LATS2: variants seen among roughly 807,000 people sequenced by gnomAD.
LATS2 encodes serine/threonine-protein kinase LATS2.
In LATS2, 24 loss-of-function variants were observed where a neutral mutation model predicts 76.0. That is an observed-to-expected ratio of 0.32 (90% CI 0.23 to 0.44). LATS2 has a LOEUF of 0.44. Among genes scored for constraint, LATS2 ranks in the 20% least tolerant of loss-of-function variants. The pLI is 1.00. For missense variants in LATS2, 1,286 were observed against 1,481.2 expected, an observed-to-expected ratio of 0.87 and a Z score of 2.16; for synonymous variants, 692 against 635.4, an observed-to-expected ratio of 1.09 and a Z score of -1.34.
chr13:20,981,423 G>C, intron 6 of LATS2, 43 bp downstream of exon 6: 1 of 1,570,744 alleles, frequency 6.4e-7, no homozygotes, highest in Non-Finnish European at 8.7e-7. Context: ...ACGTCTGAAG[G>C]GAAGGAGACC....
chr13:20,983,175 T>C (rs1367428739), intron 5 of LATS2, 49 bp downstream of exon 5: 12 of 1,302,712 alleles, frequency 9.2e-6, no homozygotes, highest in African/African-American at 3.0e-5. Flanking sequence ...GCAATGGGGT[T>C]AGTGACATCT....
intron 6 of LATS2, 98 bp from the exon 7 acceptor site, chr13:20,979,895 G>A: frequency 1.4e-6 from 1 of 696,212 alleles, no homozygotes; most frequent in Non-Finnish European, 2.5e-6. Flanking sequence ...CTGTTAAGTG[G>A]GAAAGCGCGT....
chr13:20,982,992 CAAA>C lies in LATS2; in HGVS notation c.2482+229_2482+231del, dbSNP rs67372854. Among the ~76,000 whole-genome samples the C allele has an allele frequency of 2.8e-4, 24 of 87,202 alleles. No homozygotes were observed. The Admixed American group carries it at 2.8e-3, about 10-fold the overall frequency. The allele number at this position is 87,202 out of a possible 152,430, so 57.2% of individuals were successfully genotyped here. ...GGGCAACAAGAGCGAAACTCTGTCT[CAAA>C]AAAAAAAAAAAAAAAAAGTAAACCT... On this transcript the variant is annotated intron_variant, in intron 5 of 7. Coordinates refer to ENST00000382592, the MANE Select transcript of LATS2 (RefSeq NM_014572.3).
chr13:21,050,535 T>C (rs1306719002), intron 1 of LATS2, among the ~76,000 whole-genome samples: 1 of 152,254 alleles, frequency 6.6e-6, no homozygotes, highest in African/African-American at 2.4e-5. Context: ...AGTATATATA[T>C]AGCAGAAGCC....
At chr13:20,998,024 G>T (rs926227322) in intron 2 of LATS2, among the ~76,000 whole-genome samples, 110 of 152,218 alleles carry the variant, frequency 7.2e-4, no homozygotes, top group Middle Eastern at 3.4e-3. Flanking sequence ...TGGCCCTATC[G>T]TGTCTGCGTG....
At chr13:21,005,806 T>TTTA (rs1555225295) in intron 2 of LATS2, 5,774 of 28,330 alleles carry the variant, frequency 0.2, 325 homozygotes, top group East Asian at 0.43. Flanking sequence ...CCCTACTCTA[T>TTTA]AAAAAAAAAA....
chr13:21,027,728 T>C (rs1439167346), intron 2 of LATS2, among the ~76,000 whole-genome samples: 1 of 152,148 alleles, frequency 6.6e-6, no homozygotes, highest in Non-Finnish European at 1.5e-5. Flanking sequence ...AACATTGCTT[T>C]TGCTATTCTA....
chr13:21,037,968 G>A (rs201051843), intron 2 of LATS2, among the ~76,000 whole-genome samples: 1 of 152,172 alleles, frequency 6.6e-6, no homozygotes, highest in Non-Finnish European at 1.5e-5. Context: ...TTCAGAATGA[G>A]GGGGGCTAGA....
chr13:21,053,251 A>G (rs1873339998), intron 1 of LATS2, among the ~76,000 whole-genome samples: 1 of 150,298 alleles, frequency 6.7e-6, no homozygotes. Context: ...AAAAAAAAAA[A>G]AAAAAGCCCA....
At chr13:21,055,136 G>C (rs1259268181) in intron 1 of LATS2, among the ~76,000 whole-genome samples, 1 of 152,156 alleles carries the variant, frequency 6.6e-6, no homozygotes, top group Non-Finnish European at 1.5e-5. Context: ...TGATTTCATG[G>C]CCAAATTATG....
chr13:20,974,916 G>C lies in LATS2; in HGVS notation c.3221C>G (p.Ser1074Cys). 6.2e-7 allele frequency: 1 copy of C among 1,614,180 alleles called. No individual in the cohort carries two copies. The highest frequency in any genetic ancestry group is 8.5e-7 in the Non-Finnish European group (1 of 1,180,034). The change falls in exon 8 of 8, where the codon TCT becomes TGT. Residue 1074 changes from serine (S) to cysteine (C), a missense_variant. This residue lies in a region of LATS2 where 210 missense variants were observed against 234.9 expected (regional missense o/e 0.89). Coordinates refer to ENST00000382592, the MANE Select transcript of LATS2 (RefSeq NM_014572.3). Reference protein sequence around the residue: ...SQAESSDLESSDLVDQTEGCQ... With the variant: ...SQAESSDLESCDLVDQTEGCQ... ...GCCTTCAGTCTGATCCACCAGATCA[G>C]AGCTTTCTAAATCTGAGCTCTCAGC...
chr13:21,040,526 G>A (rs1872840504), intron 2 of LATS2, among the ~76,000 whole-genome samples: 1 of 152,220 alleles, frequency 6.6e-6, no homozygotes, highest in African/African-American at 2.4e-5. Flanking sequence ...CTAGAATCCA[G>A]ATAGGTGGTG....
At chr13:21,011,202 C>A (rs910756829) in intron 2 of LATS2, among the ~76,000 whole-genome samples, 2 of 152,214 alleles carry the variant, frequency 1.3e-5, no homozygotes, top group Admixed American at 1.3e-4. Flanking sequence ...TCTTTCTTGG[C>A]AGTATTTTGA....
chr13:21,020,561 G>C, intron 2 of LATS2, among the ~76,000 whole-genome samples: 1 of 152,278 alleles, frequency 6.6e-6, no homozygotes, highest in South Asian at 2.1e-4. Context: ...AATTCCTCTC[G>C]AGTACAGCTA....
At chr13:20,999,911 T>C (rs190580172) in intron 2 of LATS2, among the ~76,000 whole-genome samples, 4 of 147,098 alleles carry the variant, frequency 2.7e-5, no homozygotes, top group Non-Finnish European at 5.9e-5. Flanking sequence ...ACCTATATAG[T>C]CCCAGCTACT....
At chr13:20,992,209 A>G (rs1268497904) in intron 2 of LATS2, among the ~76,000 whole-genome samples, 2 of 152,190 alleles carry the variant, frequency 1.3e-5, no homozygotes, top group Non-Finnish European at 2.9e-5. Context: ...CCAGAGCAGA[A>G]GCCTGGGGAA....
At chr13:21,057,334 T>C (rs1218624622) in intron 1 of LATS2, among the ~76,000 whole-genome samples, 1 of 152,226 alleles carries the variant, frequency 6.6e-6, no homozygotes, top group Non-Finnish European at 1.5e-5. Flanking sequence ...CAAAAAGTAT[T>C]TGTGAATTAA....
intron 2 of LATS2, among the ~76,000 whole-genome samples, chr13:20,993,773 G>C (rs1005266286): frequency 1.3e-5 from 2 of 152,100 alleles, no homozygotes; most frequent in Non-Finnish European, 2.9e-5. Context: ...CCTACTTCGG[G>C]AGCTATGCGA....
rs778787084 is a variant in LATS2, at chr13:20,973,651, A to G, written c.*1219T>C. The stretch of plus-strand genomic sequence containing the variant: ...AAGGTTAGGAATATGTATTGTTTAA[A>G]CCAAGTTAAGATTTGATACTTCAAA... On this transcript the variant is annotated 3_prime_UTR_variant, in exon 8 of 8. Coordinates refer to ENST00000382592, the MANE Select transcript of LATS2 (RefSeq NM_014572.3). 4.3e-6 allele frequency: 1 copy of G among 231,328 alleles called. No individual in the cohort carries two copies. The highest frequency in any genetic ancestry group is 8.6e-6 in the Non-Finnish European group (1 of 116,690). The allele number at this position is 231,328 out of a possible 1,614,324, so 14.3% of individuals were successfully genotyped here. A position where few individuals can be genotyped will look rare whatever the true frequency, so the allele number is the denominator to read the frequency against.
Sources: allele counts gnomAD v4.1 joint callset (sites outside exome capture counted in the v4.1 genomes callset), GRCh38; gene constraint gnomAD v4.1.1; regional missense constraint gnomAD v4.1.1; transcripts MANE v1.5; gene names NCBI Gene and HGNC (gene_info 2026-07-23, HGNC 2026-07-21).